Variants in ARID1B observed in about 807,000 individuals in gnomAD.
ARID1B encodes the protein AT-rich interaction domain 1B.
A neutral mutation model predicts 212.3 loss-of-function variants in ARID1B; 30 were observed. The observed-to-expected ratio is 0.14, with a 90% confidence interval of 0.11 to 0.19. The LOEUF is 0.19. ARID1B is among the 10% of genes least tolerant of loss of function. The pLI is 1.00. For synonymous variants in ARID1B, 1,402 were observed against 1,301.7 expected, an observed-to-expected ratio of 1.08 and a Z score of -1.66; for missense variants, 2,891 against 3,204.0, an observed-to-expected ratio of 0.90 and a Z score of 2.36.
intron 4 of ARID1B, among the ~76,000 whole-genome samples, chr6:157,021,789 T>C (rs1437914422): frequency 6.6e-6 from 1 of 151,858 alleles, no homozygotes; most frequent in Non-Finnish European, 1.5e-5. Flanking sequence ...GCGTGTTTTC[T>C]AAAGTTTCTG....
At position 156,954,605 on chromosome 6, in the gene ARID1B, T is replaced by C. The variant is rs139807262; in HGVS notation, c.2247+19029T>C. Among the ~76,000 whole-genome samples the C allele has an allele frequency of 3.0e-3, 451 of 152,340 alleles. 4 individuals are homozygous for C. The highest frequency in any genetic ancestry group is 0.011 in the African/African-American group (437 of 41,586). On this transcript the variant is annotated intron_variant, in intron 4 of 19. Coordinates refer to ENST00000636930, the MANE Select transcript of ARID1B (RefSeq NM_001374828.1). ...ATTTATTACTTTATGAGGTATTTTA[T>C]TTGTGGTAATTTAAATTGTTTAGGA... is the stretch of plus-strand genomic sequence containing the variant.
Position 157,206,230 on chromosome 6 carries a change from A to G in ARID1B, c.5458A>G (p.Ile1820Val), listed in dbSNP as rs777781055. 6.2e-7 allele frequency: 1 copy of G among 1,614,142 alleles called. No homozygotes were observed. The highest frequency in any genetic ancestry group is 1.1e-5 in the South Asian group (1 of 91,072). The change falls in exon 20 of 20, where the codon ATT (isoleucine) becomes GTT (valine). Residue 1820 changes from isoleucine to valine, a missense_variant. Coordinates refer to ENST00000636930, the MANE Select transcript of ARID1B (RefSeq NM_001374828.1). The surrounding 1 kb of genome is among the most constrained non-coding windows in gnomAD (Gnocchi z 6.8). Reference protein sequence around the residue: ...FRKCLIDIFGILMEYEVGDPS... With the variant: ...FRKCLIDIFGVLMEYEVGDPS... ...AAAATGCCTGATTGACATTTTTGGA[A>G]TTCTTATGGAATATGAAGTGGGAGA...
At chr6:156,823,685 G>GTTTT (rs1471010222) in intron 1 of ARID1B, among the ~76,000 whole-genome samples, 1 of 78,218 alleles carries the variant, frequency 1.3e-5, no homozygotes, top group African/African-American at 5.0e-5. Context: ...GGTTTTCTTT[G>GTTTT]TTGTTTTTTT....
At chr6:156,930,629 G>C (rs9480405) in intron 3 of ARID1B, among the ~76,000 whole-genome samples, 2,958 of 152,232 alleles carry the variant, frequency 0.019, 105 homozygotes, top group African/African-American at 0.067. Context: ...AAGAACGGAA[G>C]ACTGGAAACA....
rs114627149 is a variant in ARID1B, at chr6:157,095,505, G to A, written c.2491+10600G>A. Among the ~76,000 whole-genome samples the A allele has an allele frequency of 6.0e-3, 907 of 152,326 alleles. 13 individuals carry two copies. The highest frequency in any genetic ancestry group is 0.021 in the African/African-American group (862 of 41,566). On this transcript the variant is annotated intron_variant, in intron 5 of 19. Transcript: ENST00000636930. Reference sequence around the variant, plus strand: ...TTCTAGAATATGGAAGAGAGCACCCGTGTCCAAGACAACTTAGCACTTCCC... The same window carrying A: ...TTCTAGAATATGGAAGAGAGCACCCATGTCCAAGACAACTTAGCACTTCCC...
chr6:157,174,249 C>T (rs761620804), intron 10 of ARID1B, 132 bp downstream of exon 10: 16 of 708,770 alleles, frequency 2.3e-5, no homozygotes. Context: ...TTTTGTGCAA[C>T]ATGTTTGTAG....
intron 2 of ARID1B, among the ~76,000 whole-genome samples, chr6:156,865,178 G>T (rs1451147896): frequency 1.3e-5 from 2 of 152,052 alleles, no homozygotes; most frequent in Admixed American, 6.5e-5. Flanking sequence ...TCACTTTCTT[G>T]TGTTGGATCT....
At chr6:156,823,953 T>C (rs1782568857) in intron 1 of ARID1B, among the ~76,000 whole-genome samples, 1 of 152,216 alleles carries the variant, frequency 6.6e-6, no homozygotes, top group African/African-American at 2.4e-5. Context: ...AGTTGTCCTT[T>C]AACTTGGATC....
chr6:156,966,384 TTC>T (rs376216561), intron 4 of ARID1B, among the ~76,000 whole-genome samples: 32,659 of 115,398 alleles, frequency 0.28, 3,859 homozygotes, highest in Admixed American at 0.3. Flanking sequence ...TTCTTTTCTT[TTC>T]TTTTTTTTTT....
chr6:156,893,060 T>TTTTTTTTTTTTTTTTTTTTTTTG (rs1268821728), intron 2 of ARID1B, among the ~76,000 whole-genome samples: 3 of 137,698 alleles, frequency 2.2e-5, no homozygotes, highest in African/African-American at 8.3e-5. Flanking sequence ...TTTTTTTTTT[T>TTTTTTTTTTTTTTTTTTTTTTTG]GAGATGGAGT....
At chr6:157,029,801 C>T (rs529276086) in intron 4 of ARID1B, among the ~76,000 whole-genome samples, 1 of 152,262 alleles carries the variant, frequency 6.6e-6, no homozygotes, top group South Asian at 2.1e-4. Flanking sequence ...AGGCGGGAGC[C>T]ACGTGGTTTA....
chr6:156,885,988 T>A (rs1392390324), intron 2 of ARID1B, among the ~76,000 whole-genome samples: 1 of 152,168 alleles, frequency 6.6e-6, no homozygotes, highest in African/African-American at 2.4e-5. Flanking sequence ...GATGTGATGC[T>A]CAGAGGAGAT....
At chr6:156,985,279 C>G (rs1028934225) in intron 4 of ARID1B, 1 of 152,116 alleles carries the variant, frequency 6.6e-6, no homozygotes, top group African/African-American at 2.4e-5. Flanking sequence ...ATGTTTCTTT[C>G]TAAAATCAAT....
At chr6:156,915,064 T>C (rs1790237648) in intron 3 of ARID1B, among the ~76,000 whole-genome samples, 1 of 152,138 alleles carries the variant, frequency 6.6e-6, no homozygotes, top group Admixed American at 6.5e-5. Context: ...CAAAAAATCT[T>C]TTTTATTTGC....
At chr6:157,057,141 T>G (rs1000828010) in intron 4 of ARID1B, among the ~76,000 whole-genome samples, 5 of 151,826 alleles carry the variant, frequency 3.3e-5, no homozygotes, top group Non-Finnish European at 5.9e-5. Context: ...GGACTACAGG[T>G]GCGTGCCACC....
At chr6:156,848,157 T>G (rs1369955851) in intron 2 of ARID1B, among the ~76,000 whole-genome samples, 1 of 152,248 alleles carries the variant, frequency 6.6e-6, no homozygotes, top group Non-Finnish European at 1.5e-5. Context: ...TTAATACTTA[T>G]GAACCCAGAA....
Position 156,875,508 on chromosome 6 carries a change from G to A in ARID1B, c.1987-25868G>A, listed in dbSNP as rs115979254. The stretch of plus-strand genomic sequence containing the variant: ...TCATTGACCAGCTGTATTCGATTCT[G>A]GATTAATGTTTTTGATTATTTTTAT... On this transcript the variant is annotated intron_variant, in intron 2 of 19. Transcript: ENST00000636930. Among the ~76,000 whole-genome samples the A allele has an allele frequency of 3.9e-3, 595 of 152,286 alleles. 2 individuals carry two copies. The highest frequency in any genetic ancestry group is 0.013 in the African/African-American group (560 of 41,558).
At chr6:157,088,315 C>G (rs1275957025) in intron 5 of ARID1B, among the ~76,000 whole-genome samples, 1 of 152,202 alleles carries the variant, frequency 6.6e-6, no homozygotes, top group African/African-American at 2.4e-5. Flanking sequence ...CCAGGTATTA[C>G]CCATTTCTCT....
chr6:156,954,098 C>CT (rs1246907465), intron 4 of ARID1B, among the ~76,000 whole-genome samples: 1 of 152,134 alleles, frequency 6.6e-6, no homozygotes, highest in African/African-American at 2.4e-5. Context: ...TGCTCTGTTG[C>CT]TCCTTTATTT....
Sources: allele counts gnomAD v4.1 joint callset (sites outside exome capture counted in the v4.1 genomes callset), GRCh38; gene constraint gnomAD v4.1.1; non-coding constraint Gnocchi (gnomAD v3.1); transcripts MANE v1.5; gene names NCBI Gene and HGNC (gene_info 2026-07-23, HGNC 2026-07-21).